DMRT1: variants seen among roughly 807,000 people sequenced by gnomAD.
DMRT1 encodes doublesex- and mab-3-related transcription factor 1.
In DMRT1, 7 loss-of-function variants were observed where a neutral mutation model predicts 32.3. That is an observed-to-expected ratio of 0.22 (90% confidence interval 0.12 to 0.41). DMRT1 has a LOEUF of 0.41. Ranked by LOEUF, DMRT1 falls within the 10% of genes least tolerant of loss-of-function variation. DMRT1 has a pLI of 1.00. For synonymous variants in DMRT1, 278 were observed against 206.1 expected (o/e 1.35, Z -2.99); for missense variants, 625 against 500.5 (o/e 1.25, Z -2.37).
chr9:857,838 C>T (rs1290545247), intron 2 of DMRT1, among the ~76,000 whole-genome samples: 1 of 138,668 alleles, frequency 7.2e-6, no homozygotes, highest in Non-Finnish European at 1.5e-5. Context: ...CATGTGTTCT[C>T]ATTGTTCGAT....
At chr9:885,153 G>A (rs895772738) in intron 2 of DMRT1, among the ~76,000 whole-genome samples, 11 of 152,174 alleles carry the variant, frequency 7.2e-5, no homozygotes, top group Non-Finnish European at 1.0e-4. Flanking sequence ...GTGGGGCTCC[G>A]ACCCCATGGC....
At position 842,098 on chromosome 9, in the gene DMRT1, C is replaced by G; in HGVS notation, c.260C>G (p.Pro87Arg). ...ARCRNHGYAS[P>R]LKGHKRFCMW... ...TGCAGGAACCACGGCTACGCCTCGCCGCTCAAGGGCCACAAGCGCTTCTGC... is the reference window on the plus strand; with the variant it reads ...TGCAGGAACCACGGCTACGCCTCGCGGCTCAAGGGCCACAAGCGCTTCTGC... The change falls in exon 1 of 5, where the codon CCG becomes CGG. Residue 87 changes from proline (P) to arginine (R), a missense_variant. Coordinates refer to ENST00000382276, the MANE Select transcript of DMRT1 (RefSeq NM_021951.3). 2 of 1,547,290 alleles carry G rather than the reference C, an allele frequency of 1.3e-6. No individual in the cohort carries two copies. Among genetic ancestry groups the G allele is most frequent in the Non-Finnish European group, 1.7e-6 (2 of 1,150,548 alleles).
chr9:935,969 T>G (rs1818872441), intron 4 of DMRT1, among the ~76,000 whole-genome samples: 2 of 152,170 alleles, frequency 1.3e-5, no homozygotes, highest in African/African-American at 4.8e-5. Context: ...AAGTGAAATA[T>G]CCCAAAGTCG....
At chr9:864,950 C>T (rs4740952) in intron 2 of DMRT1, among the ~76,000 whole-genome samples, 39,639 of 151,956 alleles carry the variant, frequency 0.26, 5,475 homozygotes, top group African/African-American at 0.33. Flanking sequence ...GTGGTATGGC[C>T]GTGATGCAGG....
Position 921,647 on chromosome 9 carries a change from C to T in DMRT1, c.967+4740C>T, listed in dbSNP as rs113479030. 2.2e-3 allele frequency among the ~76,000 whole-genome samples: 332 copies of T among 152,248 alleles called. 1 individual carries two copies. Among genetic ancestry groups the T allele is most frequent in the Admixed American group, 3.5e-3 (54 of 15,282 alleles). Reference sequence around the variant, plus strand: ...TCCAGTTTCTCCACATCCTTGCCAACACTTGTTTTCCATTTAAAAAAACAG... The same window carrying T: ...TCCAGTTTCTCCACATCCTTGCCAATACTTGTTTTCCATTTAAAAAAACAG... On this transcript the variant is annotated intron_variant, in intron 4 of 4. Coordinates refer to ENST00000382276, the MANE Select transcript of DMRT1 (RefSeq NM_021951.3).
At position 862,119 on chromosome 9, in the gene DMRT1, C is replaced by T. The variant is rs1310138717; in HGVS notation, c.538+14976C>T. Among the ~76,000 whole-genome samples, 15 of 128,170 alleles carry T rather than the reference C, an allele frequency of 1.2e-4. 1 individual carries two copies. Among genetic ancestry groups the T allele is most frequent in the Non-Finnish European group, 2.4e-4 (14 of 58,310 alleles). 84.1% of individuals were successfully genotyped at this position (128,170 alleles called of 152,430 possible). ...CGGGGTGGCGGCTGGGCAGAGGCTG[C>T]AATCTCAGCACTTTGGGAGGCCAAG... On this transcript the variant is annotated intron_variant, in intron 2 of 4. Coordinates refer to ENST00000382276, the MANE Select transcript of DMRT1 (RefSeq NM_021951.3).
chr9:901,911 CTT>C (rs34006231), intron 3 of DMRT1, among the ~76,000 whole-genome samples: 58,483 of 113,938 alleles, frequency 0.51, 15,303 homozygotes, highest in South Asian at 0.66. Context: ...GAAACTAGCC[CTT>C]TTTTTTTTTT....
chr9:872,987 A>G (rs1187307172), intron 2 of DMRT1, among the ~76,000 whole-genome samples: 2 of 152,210 alleles, frequency 1.3e-5, no homozygotes, highest in African/African-American at 2.4e-5. Context: ...CTGTTCATGG[A>G]TTCACATGCC....
intron 2 of DMRT1, among the ~76,000 whole-genome samples, chr9:889,538 A>G (rs1817060139): frequency 6.6e-6 from 1 of 152,222 alleles, no homozygotes; most frequent in African/African-American, 2.4e-5. Flanking sequence ...AAAACAAATT[A>G]TTGCTTTGAC....
At chr9:915,765 C>G (rs1231215573) in intron 3 of DMRT1, among the ~76,000 whole-genome samples, 2 of 150,144 alleles carry the variant, frequency 1.3e-5, no homozygotes, top group East Asian at 1.9e-4. Context: ...CAGAGTCTCG[C>G]TCTGTCGCCC....
intron 4 of DMRT1, among the ~76,000 whole-genome samples, chr9:930,594 G>A (rs556256358): frequency 2.5e-4 from 38 of 152,082 alleles, no homozygotes; most frequent in South Asian, 1.7e-3. Flanking sequence ...ATTTTTAGTA[G>A]AGACAGGGTT....
chr9:944,184 C>G (rs118016068), intron 4 of DMRT1, among the ~76,000 whole-genome samples: 5 of 152,186 alleles, frequency 3.3e-5, no homozygotes, highest in African/African-American at 1.2e-4. Flanking sequence ...ACACTGCACC[C>G]GGCACATGAG....
At chr9:849,131 C>G (rs900583292) in intron 2 of DMRT1, among the ~76,000 whole-genome samples, 5 of 151,750 alleles carry the variant, frequency 3.3e-5, no homozygotes, top group African/African-American at 1.2e-4. Flanking sequence ...GATAGGAAAA[C>G]CAAGGCTTAG....
intron 3 of DMRT1, among the ~76,000 whole-genome samples, chr9:916,348 TTAGA>T (rs1278673482): frequency 6.6e-6 from 1 of 151,872 alleles, no homozygotes; most frequent in Non-Finnish European, 1.5e-5. Context: ...CACTTCCAAC[TTAGA>T]TAGGCTATTC....
At chr9:905,446 A>G (rs565500141) in intron 3 of DMRT1, among the ~76,000 whole-genome samples, 5 of 149,622 alleles carry the variant, frequency 3.3e-5, no homozygotes, top group Non-Finnish European at 7.4e-5. Context: ...AGGCCTGGAA[A>G]TTTCGCTGTC....
At chr9:918,187 T>C (rs1818242118) in intron 4 of DMRT1, among the ~76,000 whole-genome samples, 1 of 152,230 alleles carries the variant, frequency 6.6e-6, no homozygotes, top group South Asian at 2.1e-4. Flanking sequence ...GTTTGGCCTG[T>C]AAGGGCGTGC....
chr9:959,667 A>G (rs938294165), intron 4 of DMRT1, among the ~76,000 whole-genome samples: 2 of 152,126 alleles, frequency 1.3e-5, no homozygotes, highest in Non-Finnish European at 2.9e-5. Context: ...AGCTGGGATT[A>G]CAGGCATGTG....
chr9:929,205 C>T (rs572840812), intron 4 of DMRT1, among the ~76,000 whole-genome samples: 1 of 152,182 alleles, frequency 6.6e-6, no homozygotes, highest in Admixed American at 6.5e-5. Context: ...TGTGTCTTCT[C>T]TGAAACACCC....
At chr9:930,103 C>T (rs1020779077) in intron 4 of DMRT1, among the ~76,000 whole-genome samples, 2 of 152,134 alleles carry the variant, frequency 1.3e-5, no homozygotes, top group African/African-American at 4.8e-5. Context: ...TTAGAGAAAC[C>T]AGGATTACAG....
Sources: allele counts gnomAD v4.1 joint callset (sites outside exome capture counted in the v4.1 genomes callset), GRCh38; gene constraint gnomAD v4.1.1; transcripts MANE v1.5; gene names NCBI Gene and HGNC (gene_info 2026-07-23, HGNC 2026-07-21).